NBEA: variants seen among roughly 807,000 people sequenced by gnomAD.
NBEA encodes neurobeachin, also known as lysosomal-trafficking regulator 2.
NBEA carries 44 observed loss-of-function variants against 343.4 expected under a neutral mutation model. The observed-to-expected ratio is 0.13, with a 90% CI of 0.10 to 0.16. The LOEUF is 0.16. Among genes scored for constraint, NBEA ranks in the 10% least tolerant of loss-of-function variants. The pLI is 1.00. For missense variants in NBEA, 2,555 were observed against 3,631.3 expected (o/e 0.70, Z 7.62); for synonymous variants, 1,175 against 1,238.7 (o/e 0.95, Z 1.08).
chr13:35,214,794 A>G (rs1048800469), intron 33 of NBEA, among the ~76,000 whole-genome samples: 1 of 151,838 alleles, frequency 6.6e-6, no homozygotes, highest in Non-Finnish European at 1.5e-5. Context: ...ATATTCTACT[A>G]TATTTTCTTC....
At chr13:35,450,712 A>G (rs192078884) in intron 39 of NBEA, among the ~76,000 whole-genome samples, 8 of 152,298 alleles carry the variant, frequency 5.3e-5, no homozygotes, top group Non-Finnish European at 1.2e-4. Context: ...ATTTCCAGGA[A>G]TATATCCACC....
chr13:35,386,722 C>G (rs1441268797), intron 38 of NBEA, among the ~76,000 whole-genome samples: 1 of 152,028 alleles, frequency 6.6e-6, no homozygotes, highest in Non-Finnish European at 1.5e-5. Context: ...GCAAACAAAC[C>G]TGAATTTCAT....
At chr13:35,045,426 T>C in intron 4 of NBEA, 25 bp downstream of exon 4, 1 of 1,512,270 alleles carries the variant, frequency 6.6e-7, no homozygotes, top group Non-Finnish European at 9.0e-7. Flanking sequence ...CATGTGCTGA[T>C]TTTTATTTAT....
intron 36 of NBEA, among the ~76,000 whole-genome samples, chr13:35,329,048 C>G (rs1463093293): frequency 6.6e-6 from 1 of 151,926 alleles, no homozygotes; most frequent in Non-Finnish European, 1.5e-5. Flanking sequence ...TGAACAGACA[C>G]TACACCAAAG....
chr13:35,311,997 A>G (rs998016642), intron 36 of NBEA, among the ~76,000 whole-genome samples: 1 of 152,262 alleles, frequency 6.6e-6, no homozygotes, highest in Non-Finnish European at 1.5e-5. Context: ...GGATTCAAAC[A>G]TGAATAGCTG....
At chr13:34,982,907 TTCTC>T (rs2060408123) in intron 1 of NBEA, among the ~76,000 whole-genome samples, 2 of 152,194 alleles carry the variant, frequency 1.3e-5, no homozygotes, top group African/African-American at 4.8e-5. Context: ...GGAATTTTCT[TTCTC>T]CTTTTAATTA....
chr13:35,465,570 A>G (rs942343498), intron 40 of NBEA, among the ~76,000 whole-genome samples: 2 of 152,108 alleles, frequency 1.3e-5, no homozygotes, highest in African/African-American at 4.8e-5. Context: ...AAGAGTCAAT[A>G]CTCTTCCAGA....
intron 35 of NBEA, among the ~76,000 whole-genome samples, chr13:35,308,946 A>G (rs1315060109): frequency 6.6e-6 from 1 of 151,636 alleles, no homozygotes; most frequent in African/African-American, 2.4e-5. Flanking sequence ...TATCTATTAC[A>G]TATTTAGCCA....
intron 10 of NBEA, among the ~76,000 whole-genome samples, chr13:35,080,090 T>C (rs571309032): frequency 1.3e-5 from 2 of 152,286 alleles, no homozygotes; most frequent in Admixed American, 1.3e-4. Context: ...AACACAATTC[T>C]CCCTTTTCAA....
chr13:35,147,552 A>G (rs2068514077), intron 18 of NBEA, among the ~76,000 whole-genome samples: 1 of 152,094 alleles, frequency 6.6e-6, no homozygotes. Context: ...AAGGAGGCGG[A>G]CTAGTAGGAG....
intron 45 of NBEA, among the ~76,000 whole-genome samples, chr13:35,571,935 G>A (rs749036128): frequency 2.6e-4 from 39 of 151,700 alleles, no homozygotes; most frequent in African/African-American, 9.7e-5. Flanking sequence ...TTGAACATTC[G>A]AAGAGCACAG....
At chr13:35,635,708 A>G (rs2153069892) in intron 49 of NBEA, among the ~76,000 whole-genome samples, 1 of 152,340 alleles carries the variant, frequency 6.6e-6, no homozygotes, top group East Asian at 1.9e-4. Context: ...TAAGGCTTGC[A>G]TTGCAAAGGT....
intron 8 of NBEA, among the ~76,000 whole-genome samples, chr13:35,059,574 G>A (rs2063388849): frequency 6.6e-6 from 1 of 151,756 alleles, no homozygotes; most frequent in African/African-American, 2.4e-5. Flanking sequence ...TATAGTCAAA[G>A]TGTTTATAAT....
chr13:35,428,581 T>C (rs865870687), intron 38 of NBEA, among the ~76,000 whole-genome samples: 1 of 152,226 alleles, frequency 6.6e-6, no homozygotes, highest in Non-Finnish European at 1.5e-5. Flanking sequence ...TTACATCTTC[T>C]GTTTCTTTTC....
intron 31 of NBEA, among the ~76,000 whole-genome samples, chr13:35,207,381 A>G (rs1230352657): frequency 6.6e-6 from 1 of 152,102 alleles, no homozygotes; most frequent in East Asian, 1.9e-4. Flanking sequence ...ATATTTTAGT[A>G]CTGTCAGTTA....
At chr13:35,601,971 G>A (rs940885468) in intron 47 of NBEA, among the ~76,000 whole-genome samples, 10 of 152,016 alleles carry the variant, frequency 6.6e-5, no homozygotes, top group Non-Finnish European at 1.5e-4. Flanking sequence ...CGGGAATAAT[G>A]AGAACACCTA....
chr13:35,069,826 T>A (rs1429671779), intron 8 of NBEA, 82 bp from the exon 9 acceptor site: 1 of 974,102 alleles, frequency 1.0e-6, no homozygotes, highest in Non-Finnish European at 1.5e-6. Context: ...AGTTTATTAT[T>A]GTAAATGTTT....
intron 41 of NBEA, among the ~76,000 whole-genome samples, chr13:35,527,698 G>T (rs2078048017): frequency 6.6e-6 from 1 of 152,212 alleles, no homozygotes; most frequent in Admixed American, 6.5e-5. Context: ...ATGGGAACAG[G>T]CACTTCTGAG....
intron 38 of NBEA, among the ~76,000 whole-genome samples, chr13:35,408,717 C>G (rs148066772): frequency 1.3e-5 from 2 of 152,110 alleles, no homozygotes; most frequent in African/African-American, 2.4e-5. Context: ...CAAAAGAAGA[C>G]ATATATGTAG....
Sources: allele counts gnomAD v4.1 joint callset (sites outside exome capture counted in the v4.1 genomes callset), GRCh38; gene constraint gnomAD v4.1.1; transcripts MANE v1.5; gene names NCBI Gene and HGNC (gene_info 2026-07-23, HGNC 2026-07-21).